The following MUC5AC variants were observed in gnomAD, a reference collection of about 807,000 sequenced individuals.
The protein encoded by MUC5AC is mucin-5AC.
A neutral mutation model predicts 169.7 loss-of-function variants in MUC5AC; 158 were observed. That is an observed-to-expected ratio of 0.93 (90% confidence interval 0.82 to 1.06). MUC5AC has a LOEUF of 1.06. Among genes scored for constraint, MUC5AC ranks in the 50% least tolerant of loss-of-function variants. The pLI is 0.00. For missense variants in MUC5AC, 4,359 were observed against 3,089.9 expected, an observed-to-expected ratio of 1.41 and a Z score of -9.74; for synonymous variants, 1,975 against 1,237.0, an observed-to-expected ratio of 1.60 and a Z score of -12.52.
chr11:1,171,607 ATT>A (rs1860541491), intron 15 of MUC5AC, among the ~76,000 whole-genome samples: 1 of 124,442 alleles, frequency 8.0e-6, no homozygotes, highest in African/African-American at 3.2e-5. Flanking sequence ...TCACTCACCC[ATT>A]CACCCACTCA....
In MUC5AC at chr11:1,174,581, C is replaced by A; in HGVS notation, c.2051C>A (p.Ala684Asp). 5 of 1,486,120 alleles carry A rather than the reference C, an allele frequency of 3.4e-6. No individual in the cohort carries two copies. The highest frequency in any genetic ancestry group is 4.6e-6 in the Non-Finnish European group (5 of 1,093,780). 92.1% of individuals were successfully genotyped at this position (1,486,120 alleles called of 1,614,324 possible). ...TCCTCCTACGTGCACGCCTGTGCCG[C>A]CAAGGGCGTGCAGCTCGGCGGCTGG... Reference protein sequence around the residue: ...ALSSYVHACAAKGVQLGGWRD... With the variant: ...ALSSYVHACADKGVQLGGWRD... Residue 684 changes from alanine (A) to aspartate (D), a missense_variant, in exon 17 of 49, where the codon GCC (alanine) becomes GAC (aspartate). Coordinates refer to ENST00000621226, the MANE Select transcript of MUC5AC (RefSeq NM_001304359.2).
At chr11:1,194,720 G>T in intron 35 of MUC5AC, 50 bp downstream of exon 35, 1 of 707,976 alleles carries the variant, frequency 1.4e-6, no homozygotes, top group South Asian at 1.6e-5. Context: ...GGGGGCGGGG[G>T]TGCCGGGCAG....
At chr11:1,200,251 G>A (rs1362073619) in intron 48 of MUC5AC, among the ~76,000 whole-genome samples, 187 bp from the exon 49 acceptor site, 14 of 152,236 alleles carry the variant, frequency 9.2e-5, no homozygotes, top group Admixed American at 6.5e-4. Flanking sequence ...GCACGGAGCC[G>A]GGGTCGGCCC....
At position 1,199,734 on chromosome 11, in the gene MUC5AC, T is replaced by G. The variant is rs547245578; in HGVS notation, c.16555T>G (p.Cys5519Gly). Residue 5519 changes from cysteine to glycine, a missense_variant, in exon 47 of 49, where the codon TGC (cysteine) becomes GGC (glycine). Physicochemically the swap from Cys to Gly is radical, Grantham distance 159 (BLOSUM62 -3). Transcript: ENST00000621226. ...GAGCAAGGACGGCTGCTGCCGCTTC[T>G]GCCCGCCGCCCCCGCCCCCGTACCA... Reference protein sequence around the residue: ...RMSKDGCCRFCPPPPPPYQNQ... With the variant: ...RMSKDGCCRFGPPPPPPYQNQ... 1 of 711,808 alleles carries G rather than the reference T, an allele frequency of 1.4e-6. No homozygotes were observed. Among genetic ancestry groups the G allele is most frequent in the East Asian group, 2.7e-5 (1 of 37,660 alleles). 44.1% of individuals were successfully genotyped at this position (711,808 alleles called of 1,614,324 possible).
chr11:1,174,784 G>A, intron 17 of MUC5AC, 98 bp from the exon 18 acceptor site: 1 of 455,996 alleles, frequency 2.2e-6, no homozygotes, highest in East Asian at 3.5e-5. Flanking sequence ...GCCGAGGAGG[G>A]GAGGGGAGGG....
intron 9 of MUC5AC, among the ~76,000 whole-genome samples, chr11:1,164,764 T>C (rs1310756967): frequency 3.8e-4 from 54 of 143,776 alleles, no homozygotes; most frequent in Non-Finnish European, 5.7e-4. Context: ...AATCCTGTCC[T>C]GAGCCTCCTG....
Position 1,197,963 on chromosome 11 carries a change from C to A in MUC5AC, c.16094C>A (p.Pro5365Gln). ...VGCPEGARAI[P>Q]TYQEGACCPV... ...TGTCCTGAGGGCGCCCGCGCGATCC[C>A]GACCTACCAGGAGGGGGCCTGCTGC... Residue 5365 changes from proline (P) to glutamine (Q), a missense_variant, in exon 42 of 49, where the codon CCG becomes CAG. Pro to Gln is a moderately conservative substitution (Grantham distance 76). Transcript: ENST00000621226. The A allele has an allele frequency of 2.7e-6, 2 of 735,232 alleles. No homozygotes were observed. Among genetic ancestry groups the A allele is most frequent in the East Asian group, 2.5e-5 (1 of 40,056 alleles). The allele number at this position is 735,232 out of a possible 1,614,324, so 45.5% of individuals were successfully genotyped here. A position where few individuals can be genotyped will look rare whatever the true frequency, so the allele number is the denominator to read the frequency against.
intron 2 of MUC5AC, among the ~76,000 whole-genome samples, chr11:1,161,044 C>T (rs1336943809): frequency 6.6e-6 from 1 of 152,224 alleles, no homozygotes; most frequent in East Asian, 1.9e-4. Context: ...CGGGCATCTC[C>T]CTTGGCGCCG....
intron 13 of MUC5AC, 44 bp downstream of exon 13, chr11:1,168,596 C>G (rs1041069330): frequency 1.2e-6 from 2 of 1,612,220 alleles, no homozygotes; most frequent in African/African-American, 2.7e-5. Context: ...TGCCTGGGGT[C>G]CCGCCCCACA....
chr11:1,166,127 AACAC>A lies in MUC5AC; in HGVS notation c.1386+371_1386+374del, dbSNP rs1306329820. On this transcript the variant is annotated intron_variant, in intron 11 of 48. Coordinates refer to ENST00000621226, the MANE Select transcript of MUC5AC (RefSeq NM_001304359.2). The stretch of plus-strand genomic sequence containing the variant: ...GTCCCCACGATGAGACCCTGCACCA[AACAC>A]ACAGTCTCTCCCAGAGGAGACCCTG... Among the ~76,000 whole-genome samples, 3 of 151,396 alleles carry A rather than the reference AACAC, an allele frequency of 2.0e-5. No individual in the cohort carries two copies. In the South Asian group the frequency reaches 6.3e-4, roughly 32 times the overall value.
At chr11:1,176,042 G>T (rs927166870) in intron 19 of MUC5AC, 109 bp from the exon 20 acceptor site, 155 of 396,434 alleles carry the variant, frequency 3.9e-4, no homozygotes, top group East Asian at 2.5e-3. Flanking sequence ...TCATGCACAC[G>T]CACCCACTCA....
At position 1,192,214 on chromosome 11, in the gene MUC5AC, G is replaced by T. The variant is rs778107015; in HGVS notation, c.14069G>T (p.Gly4690Val). 1.3e-6 allele frequency: 1 copy of T among 765,008 alleles called. No homozygotes were observed. Among genetic ancestry groups the T allele is most frequent in the Admixed American group, 1.7e-5 (1 of 59,010 alleles). The allele number at this position is 765,008 out of a possible 1,614,324, so 47.4% of individuals were successfully genotyped here. A position where few individuals can be genotyped will look rare whatever the true frequency, so the allele number is the denominator to read the frequency against. Residue 4690 changes from glycine to valine, a missense_variant, in exon 31 of 49, where the codon GGT becomes GTT. By Grantham distance (109) the Gly-to-Val change is moderately radical. Coordinates refer to ENST00000621226, the MANE Select transcript of MUC5AC (RefSeq NM_001304359.2). ...CCGGAGGTGAACATTGAACACCTGG[G>T]TCAGGTGGTGCAGTGCAGCCGTGAA... is the stretch of plus-strand genomic sequence containing the variant. ...SHPEVNIEHL[G>V]QVVQCSREEG...
At position 1,188,340 on chromosome 11, in the gene MUC5AC, A is replaced by G. The variant is rs1590146769; in HGVS notation, c.10195A>G (p.Thr3399Ala). Residue 3399 changes from threonine to alanine, a missense_variant, in exon 31 of 49, where the codon ACC becomes GCC. Coordinates refer to ENST00000621226, the MANE Select transcript of MUC5AC (RefSeq NM_001304359.2). Reference sequence around the variant, plus strand: ...AACTTCTGCCCCTACAACCAGCACAACCTCCACTCCACAGACCAGCATATC... The same window carrying G: ...AACTTCTGCCCCTACAACCAGCACAGCCTCCACTCCACAGACCAGCATATC... ...STTSAPTTST[T>A]STPQTSISSA... The G allele has an allele frequency of 1.7e-5, 11 of 652,352 alleles. No individual in the cohort carries two copies. The East Asian group carries it at 3.0e-4, about 18-fold the overall frequency. 40.4% of individuals were successfully genotyped at this position (652,352 alleles called of 1,614,324 possible). A position where few individuals can be genotyped will look rare whatever the true frequency, so the allele number is the denominator to read the frequency against.
chr11:1,177,395 G>A (rs1478079901), intron 23 of MUC5AC, 51 bp downstream of exon 23: 82 of 408,586 alleles, frequency 2.0e-4, no homozygotes, highest in East Asian at 4.5e-4. Context: ...CCATGGCAGC[G>A]TCTGGTCAGG....
At position 1,164,135 on chromosome 11, in the gene MUC5AC, G is replaced by GC; in HGVS notation, c.820dup (p.Leu274ProfsTer26). The GC allele has an allele frequency of 6.2e-7, 1 of 1,612,292 alleles. No homozygotes were observed. Among genetic ancestry groups the GC allele is most frequent in the Non-Finnish European group, 8.5e-7 (1 of 1,179,876 alleles). On this transcript the variant is annotated frameshift_variant, in exon 8 of 49. Coordinates refer to ENST00000621226, the MANE Select transcript of MUC5AC (RefSeq NM_001304359.2). LOFTEE classifies it high-confidence loss of function. ...TCTGTGAGGAGCTCCTGCACGGCCA[G>GC]CTGTTCTCTGGCTGCGTGGCCCTGG...
Position 1,162,141 on chromosome 11 carries a change from AG to A in MUC5AC, c.449del (p.Gly150AlafsTer81), listed in dbSNP as rs1165616003. On this transcript the variant is annotated frameshift_variant, in exon 4 of 49. Transcript: ENST00000621226. LOFTEE classifies it high-confidence loss of function. ...GATGGCGTGGTCATCCAGCTGACCAAGGGCTCCGTCCTGGTCAACGGCCACC... is the reference window on the plus strand; with the variant it reads ...GATGGCGTGGTCATCCAGCTGACCAAGGCTCCGTCCTGGTCAACGGCCACC... ...KVDGVVIQLT[K>X]GSVLVNGHPV... The A allele has an allele frequency of 6.2e-7, 1 of 1,612,456 alleles. No homozygotes were observed. Among genetic ancestry groups the A allele is most frequent in the South Asian group, 1.1e-5 (1 of 91,068 alleles).
Position 1,195,997 on chromosome 11 carries a change from C to T in MUC5AC, c.15580C>T (p.Leu5194Phe). ...VCSSLELYAA[L>F]CASHDICIDW... Reference sequence around the variant, plus strand: ...CTCCAGCCTGGAGCTGTACGCGGCACTCTGTGCGTCCCACGACATCTGCAT... The same window carrying T: ...CTCCAGCCTGGAGCTGTACGCGGCATTCTGTGCGTCCCACGACATCTGCAT... The change falls in exon 37 of 49, where the codon CTC (leucine) becomes TTC (phenylalanine). Residue 5194 changes from leucine to phenylalanine, a missense_variant. Transcript: ENST00000621226. 2.6e-6 allele frequency: 2 copies of T among 764,988 alleles called. No individual in the cohort carries two copies. Among genetic ancestry groups the T allele is most frequent in the Non-Finnish European group, 4.8e-6 (2 of 417,816 alleles). 47.4% of individuals were successfully genotyped at this position (764,988 alleles called of 1,614,324 possible). A position where few individuals can be genotyped will look rare whatever the true frequency, so the allele number is the denominator to read the frequency against.
At chr11:1,195,742 G>A in intron 36 of MUC5AC, 134 bp from the exon 37 acceptor site, 1 of 577,696 alleles carries the variant, frequency 1.7e-6, no homozygotes, top group Non-Finnish European at 3.1e-6. Flanking sequence ...GGGGATACAG[G>A]AGGGCGGCCA....
chr11:1,197,581 C>A lies in MUC5AC; in HGVS notation c.15975C>A (p.Gly5325=), dbSNP rs1207316766. Residue 5325 remains glycine (G), a synonymous_variant, in exon 41 of 49, where the codon GGC becomes GGA. Transcript: ENST00000621226. The part of the protein sequence containing the change: ...CPLPPACPLP[G]FVPVPAAPQA... ...TGCCCCCTGCCTGCCCCCTGCCCGG[C>A]TTCGTGCCTGTGCCTGCAGCCCCAC... 1 of 722,966 alleles carries A rather than the reference C, an allele frequency of 1.4e-6. No homozygotes were observed. The allele number at this position is 722,966 out of a possible 1,614,324, so 44.8% of individuals were successfully genotyped here.
Sources: allele counts gnomAD v4.1 joint callset (sites outside exome capture counted in the v4.1 genomes callset), GRCh38; gene constraint gnomAD v4.1.1; transcripts MANE v1.5; gene names NCBI Gene and HGNC (gene_info 2026-07-23, HGNC 2026-07-21).